Variants in UNC13B observed in about 807,000 individuals in gnomAD.
The protein encoded by UNC13B is unc-13 homolog B, also known as protein unc-13 homolog B.
In UNC13B, 144 loss-of-function variants were observed where a neutral mutation model predicts 211.0. The ratio of observed to expected loss-of-function variants is 0.68; its 90% CI spans 0.60 to 0.78. UNC13B has a LOEUF of 0.78. Among genes scored for constraint, UNC13B ranks in the 30% least tolerant of loss-of-function variants. The probability of loss-of-function intolerance (pLI) is 0.00; values close to 1 mark genes in which losing one functional copy is unlikely to be tolerated. For missense variants in UNC13B, 1,777 were observed against 2,002.0 expected, an observed-to-expected ratio of 0.89 and a Z score of 2.14; for synonymous variants, 709 against 725.8, an observed-to-expected ratio of 0.98 and a Z score of 0.37.
At chr9:35,168,535 A>C (rs1331293217) in intron 1 of UNC13B, among the ~76,000 whole-genome samples, 1 of 152,190 alleles carries the variant, frequency 6.6e-6, no homozygotes, top group Non-Finnish European at 1.5e-5. Context: ...TCGGTGTCTC[A>C]GATCAACATC....
At chr9:35,284,488 C>G (rs542606276) in intron 7 of UNC13B, among the ~76,000 whole-genome samples, 2 of 152,248 alleles carry the variant, frequency 1.3e-5, no homozygotes, top group African/African-American at 4.8e-5. Flanking sequence ...CTTTGCCTTT[C>G]TAAAATATAA....
intron 11 of UNC13B, among the ~76,000 whole-genome samples, chr9:35,333,244 A>ATGAG (rs942366678): frequency 6.6e-6 from 1 of 152,184 alleles, no homozygotes. Flanking sequence ...CTCTTTGCAG[A>ATGAG]TGAGTGAGTG....
intron 7 of UNC13B, among the ~76,000 whole-genome samples, chr9:35,263,751 A>T (rs767228989): frequency 7.2e-5 from 11 of 152,140 alleles, no homozygotes; most frequent in Non-Finnish European, 1.3e-4. Context: ...ATAAAGGTTA[A>T]GTGAGGTCAT....
Position 35,399,007 on chromosome 9 carries a change from G to A in UNC13B, c.12047G>A (p.Arg4016Gln), listed in dbSNP as rs200462690. Residue 4016 changes from arginine (R) to glutamine (Q), a missense_variant, in exon 33 of 40, where the codon CGG becomes CAG. Coordinates refer to ENST00000635942, the MANE Select transcript of UNC13B (RefSeq NM_001371189.2). ...SAAQDADSVLRPLMDFLDGNL... is the reference protein window; with the variant it reads ...SAAQDADSVLQPLMDFLDGNL... ...GCTCAGGATGCAGATAGCGTACTCCGGCCTCTCATGGACTTCCTGGATGGC... is the reference window on the plus strand; with the variant it reads ...GCTCAGGATGCAGATAGCGTACTCCAGCCTCTCATGGACTTCCTGGATGGC... The A allele has an allele frequency of 8.7e-6, 14 of 1,613,968 alleles. No homozygotes were observed. The highest frequency in any genetic ancestry group is 1.7e-5 in the Admixed American group (1 of 59,986).
At position 35,398,262 on chromosome 9, in the gene UNC13B, A is replaced by G; in HGVS notation, c.11806A>G (p.Met3936Val). The change falls in exon 31 of 40, where the codon ATG becomes GTG. Residue 3936 changes from methionine to valine, a missense_variant. Coordinates refer to ENST00000635942, the MANE Select transcript of UNC13B (RefSeq NM_001371189.2). The part of the protein sequence containing the change: ...VQQLRVQLEK[M>V]FEAMGGKELD... ...GCAACTGAGGGTCCAGCTGGAGAAAATGTTTGAGGCCATGGGAGGCAAGGA... is the reference window on the plus strand; with the variant it reads ...GCAACTGAGGGTCCAGCTGGAGAAAGTGTTTGAGGCCATGGGAGGCAAGGA... 6.2e-7 allele frequency: 1 copy of G among 1,613,938 alleles called. No individual in the cohort carries two copies. Among genetic ancestry groups the G allele is most frequent in the Non-Finnish European group, 8.5e-7 (1 of 1,179,916 alleles).
chr9:35,267,152 G>T (rs1165151429), intron 7 of UNC13B, among the ~76,000 whole-genome samples: 1 of 152,202 alleles, frequency 6.6e-6, no homozygotes, highest in African/African-American at 2.4e-5. Context: ...GAAGCAGCAG[G>T]AGTCAAAGAG....
intron 11 of UNC13B, among the ~76,000 whole-genome samples, chr9:35,327,170 G>A (rs1448435125): frequency 1.3e-5 from 2 of 152,202 alleles, no homozygotes; most frequent in Non-Finnish European, 2.9e-5. Flanking sequence ...TTTCTAGGGT[G>A]TGGAAGTAGC....
Position 35,301,526 on chromosome 9 carries a change from G to C in UNC13B, c.2122G>C (p.Ala708Pro). ...TLDNYSSSII[A>P]LNGSDEETTG... ...TGACAATTACAGTAGTAGCATCATTGCTTTAAATGGGAGTGATGAAGAAAC... is the reference window on the plus strand; with the variant it reads ...TGACAATTACAGTAGTAGCATCATTCCTTTAAATGGGAGTGATGAAGAAAC... Residue 708 changes from alanine (A) to proline (P), a missense_variant, in exon 9 of 40, where the codon GCT (alanine) becomes CCT (proline). By Grantham distance (27) the Ala-to-Pro change is conservative. Coordinates refer to ENST00000635942, the MANE Select transcript of UNC13B (RefSeq NM_001371189.2). 2.5e-6 allele frequency: 1 copy of C among 398,838 alleles called. No individual in the cohort carries two copies. The highest frequency in any genetic ancestry group is 2.1e-5 in the African/African-American group (1 of 48,732). 24.7% of individuals were successfully genotyped at this position (398,838 alleles called of 1,614,324 possible).
chr9:35,169,773 G>C (rs2131254019), intron 1 of UNC13B, among the ~76,000 whole-genome samples: 1 of 152,298 alleles, frequency 6.6e-6, no homozygotes, highest in African/African-American at 2.4e-5. Context: ...CTTATAAGTA[G>C]CGTATTCTGT....
intron 11 of UNC13B, chr9:35,364,491 G>C: frequency 6.5e-7 from 1 of 1,532,662 alleles, no homozygotes; most frequent in South Asian, 1.2e-5. Flanking sequence ...CCTACTTATA[G>C]GACTGACTCT....
At chr9:35,202,243 G>T (rs1823347174) in intron 1 of UNC13B, among the ~76,000 whole-genome samples, 1 of 152,158 alleles carries the variant, frequency 6.6e-6, no homozygotes, top group African/African-American at 2.4e-5. Flanking sequence ...TTGCTGAGGA[G>T]TGCTTTACTT....
chr9:35,173,929 T>G (rs1053866483), intron 1 of UNC13B, among the ~76,000 whole-genome samples: 10 of 152,228 alleles, frequency 6.6e-5, no homozygotes, highest in Admixed American at 4.6e-4. Context: ...ATCTTTAAAA[T>G]TCATATATTT....
chr9:35,396,349 G>T (rs1427734977), intron 26 of UNC13B, 127 bp from the exon 27 acceptor site: 2 of 1,185,204 alleles, frequency 1.7e-6, no homozygotes, highest in Non-Finnish European at 1.2e-6. Context: ...GTGAGAAGGA[G>T]GTTGGGAGTC....
intron 1 of UNC13B, among the ~76,000 whole-genome samples, chr9:35,165,487 A>G (rs982525351): frequency 2.7e-5 from 4 of 148,876 alleles, no homozygotes; most frequent in Middle Eastern, 3.4e-3. Flanking sequence ...GCATGATCTC[A>G]GCTCACTGCA....
chr9:35,342,800 C>T (rs1814028475), intron 11 of UNC13B, among the ~76,000 whole-genome samples: 1 of 152,190 alleles, frequency 6.6e-6, no homozygotes, highest in Admixed American at 6.5e-5. Context: ...TATAATCCAT[C>T]CCTTCATCTC....
chr9:35,377,712 T>A lies in UNC13B; in HGVS notation c.10063+17T>A, dbSNP rs770793700. On this transcript the variant is annotated intron_variant, in intron 16 of 39. Coordinates refer to ENST00000635942, the MANE Select transcript of UNC13B (RefSeq NM_001371189.2). The stretch of plus-strand genomic sequence containing the variant: ...CCATTACTGGTGAGCAGGCCACAGT[T>A]TGAGGGGACAGGAAGGCCTGGGCTA... 2 of 1,610,718 alleles carry A rather than the reference T, an allele frequency of 1.2e-6. No individual in the cohort carries two copies. The highest frequency in any genetic ancestry group is 1.7e-6 in the Non-Finnish European group (2 of 1,178,088).
intron 7 of UNC13B, among the ~76,000 whole-genome samples, chr9:35,277,512 G>C (rs139774825): frequency 8.5e-4 from 129 of 152,212 alleles, no homozygotes; most frequent in African/African-American, 3.0e-3. Flanking sequence ...GTGAAGCTTT[G>C]AGACTTCAGC....
intron 10 of UNC13B, among the ~76,000 whole-genome samples, chr9:35,313,020 C>CT (rs1366426845): frequency 6.6e-6 from 1 of 152,096 alleles, no homozygotes; most frequent in Non-Finnish European, 1.5e-5. Context: ...AAATTCTGCC[C>CT]TAAGGATGCT....
chr9:35,297,681 C>G (rs553972173), intron 8 of UNC13B, among the ~76,000 whole-genome samples: 1 of 150,926 alleles, frequency 6.6e-6, no homozygotes, highest in Non-Finnish European at 1.5e-5. Flanking sequence ...TCCCGAGTAG[C>G]TGGGATTACA....
Sources: gnomAD v4.1 joint callset for allele counts (sites outside exome capture counted in the v4.1 genomes callset) on GRCh38, gnomAD v4.1.1 for gene constraint, MANE v1.5 for transcripts, NCBI Gene and HGNC (gene_info 2026-07-23, HGNC 2026-07-21) for gene names.